The following CSRNP3 variants were observed in gnomAD, a reference collection of about 807,000 sequenced individuals.
CSRNP3 encodes the protein cysteine/serine-rich nuclear protein 3.
CSRNP3 carries 12 observed loss-of-function variants against 48.0 expected under a neutral mutation model. That is an observed-to-expected ratio of 0.25 (90% CI 0.16 to 0.41). The LOEUF (loss-of-function observed/expected upper bound fraction) is 0.41. CSRNP3 is among the 10% of genes least tolerant of loss of function. The pLI is 1.00. For missense variants in CSRNP3, 580 were observed against 724.4 expected (o/e 0.80, Z 2.29); for synonymous variants, 263 against 269.7 (o/e 0.98, Z 0.24).
chr2:165,635,399 G>A (rs966640142), intron 4 of CSRNP3, among the ~76,000 whole-genome samples: 2 of 151,972 alleles, frequency 1.3e-5, no homozygotes, highest in Non-Finnish European at 2.9e-5. Context: ...GAGCTTTAAA[G>A]GAAAACTTTA....
At chr2:165,561,216 C>T (rs1449769452) in intron 3 of CSRNP3, among the ~76,000 whole-genome samples, 4 of 152,072 alleles carry the variant, frequency 2.6e-5, no homozygotes, top group Non-Finnish European at 5.9e-5. Context: ...ATCTTTATGC[C>T]TTACATTTGC....
rs1346983057 is a variant in CSRNP3 at position 165,685,648 on chromosome 2, A to G, written c.*5895A>G. The G allele has an allele frequency of 2.0e-5, 3 of 152,144 alleles. No homozygotes were observed. Among genetic ancestry groups the G allele is most frequent in the Admixed American group, 2.0e-4 (3 of 15,242 alleles). 9.4% of individuals were successfully genotyped at this position (152,144 alleles called of 1,614,324 possible). A position where few individuals can be genotyped will look rare whatever the true frequency, so the allele number is the denominator to read the frequency against. ...GTCACGTTGGTGACTACTTTCTTTTACTTGTGATAAATATATCACTATACA... is the reference window on the plus strand; with the variant it reads ...GTCACGTTGGTGACTACTTTCTTTTGCTTGTGATAAATATATCACTATACA... On this transcript the variant is annotated 3_prime_UTR_variant, in exon 7 of 7. Coordinates refer to ENST00000651982, the MANE Select transcript of CSRNP3 (RefSeq NM_001172173.2).
At chr2:165,642,562 C>CTT (rs36072196) in intron 4 of CSRNP3, among the ~76,000 whole-genome samples, 34 of 135,266 alleles carry the variant, frequency 2.5e-4, no homozygotes, top group East Asian at 1.7e-3. Context: ...TATGCATATT[C>CTT]TTTTTTTTTT....
chr2:165,594,954 A>C (rs1685785107), intron 3 of CSRNP3, 89 bp from the exon 4 acceptor site: 1 of 1,162,884 alleles, frequency 8.6e-7, no homozygotes, highest in Non-Finnish European at 1.2e-6. Context: ...TCATGTATAA[A>C]AAGCCACATA....
intron 5 of CSRNP3, among the ~76,000 whole-genome samples, chr2:165,669,554 C>G (rs1687294253): frequency 6.6e-6 from 1 of 152,150 alleles, no homozygotes; most frequent in African/African-American, 2.4e-5. Flanking sequence ...CTGATTCTGA[C>G]AGTAATGTGT....
At chr2:165,663,755 A>T (rs1419201178) in intron 5 of CSRNP3, among the ~76,000 whole-genome samples, 5 of 152,170 alleles carry the variant, frequency 3.3e-5, no homozygotes, top group African/African-American at 4.8e-5. Flanking sequence ...ACTAAAGTGG[A>T]TTGTGTACTT....
rs749133197 is a variant in CSRNP3, at chr2:165,684,510, G to A, written c.*4757G>A. 6 of 152,036 alleles carry A rather than the reference G, an allele frequency of 3.9e-5. No homozygotes were observed. Among genetic ancestry groups the A allele is most frequent in the Admixed American group, 2.0e-4 (3 of 15,244 alleles). 9.4% of individuals were successfully genotyped at this position (152,036 alleles called of 1,614,324 possible). ...AAGACTTGTCTGTAATTTTAAATTA[G>A]AACTGTTGGTTGTATTCTTACCACA... is the stretch of plus-strand genomic sequence containing the variant. On this transcript the variant is annotated 3_prime_UTR_variant, in exon 7 of 7. Coordinates refer to ENST00000651982, the MANE Select transcript of CSRNP3 (RefSeq NM_001172173.2).
intron 3 of CSRNP3, among the ~76,000 whole-genome samples, chr2:165,587,741 T>G (rs1027197792): frequency 1.2e-4 from 18 of 152,180 alleles, no homozygotes; most frequent in Admixed American, 7.9e-4. Context: ...TAGTCTAGAG[T>G]TGGCTTTTGT....
intron 5 of CSRNP3, among the ~76,000 whole-genome samples, chr2:165,658,968 G>A (rs1687054049): frequency 2.0e-5 from 3 of 152,194 alleles, no homozygotes; most frequent in Non-Finnish European, 4.4e-5. Flanking sequence ...ACAATGGCTT[G>A]TGTGGCTGGA....
chr2:165,688,710 T>C lies in CSRNP3; in HGVS notation c.*8957T>C, dbSNP rs1179978127. ...CTTGGGTGTTATCCTTCAGTCTGTG[T>C]TGAACCATTCAGATATTGGGAATGG... On this transcript the variant is annotated 3_prime_UTR_variant, in exon 7 of 7. Coordinates refer to ENST00000651982, the MANE Select transcript of CSRNP3 (RefSeq NM_001172173.2). 1.3e-5 allele frequency: 2 copies of C among 152,106 alleles called. No homozygotes were observed. The highest frequency in any genetic ancestry group is 4.8e-5 in the African/African-American group (2 of 41,440). 9.4% of individuals were successfully genotyped at this position (152,106 alleles called of 1,614,324 possible).
At chr2:165,624,947 G>A (rs1686404894) in intron 4 of CSRNP3, among the ~76,000 whole-genome samples, 1 of 152,214 alleles carries the variant, frequency 6.6e-6, no homozygotes, top group Non-Finnish European at 1.5e-5. Context: ...GCCAGGATTG[G>A]AGTCCCAGTC....
At chr2:165,664,901 T>C (rs1175349942) in intron 5 of CSRNP3, among the ~76,000 whole-genome samples, 1 of 152,152 alleles carries the variant, frequency 6.6e-6, no homozygotes, top group Non-Finnish European at 1.5e-5. Context: ...AAAACTCAGA[T>C]CTTTTAAGCC....
chr2:165,590,551 A>T (rs1404845200), intron 3 of CSRNP3, among the ~76,000 whole-genome samples: 1 of 152,174 alleles, frequency 6.6e-6, no homozygotes, highest in Non-Finnish European at 1.5e-5. Flanking sequence ...CCCAAATCTC[A>T]TCTTGAGTTG....
At chr2:165,554,580 G>T (rs2105262641) in intron 3 of CSRNP3, among the ~76,000 whole-genome samples, 1 of 152,278 alleles carries the variant, frequency 6.6e-6, no homozygotes, top group Middle Eastern at 3.4e-3. Flanking sequence ...ACTCAAGACT[G>T]TGTCCTCTCT....
In CSRNP3 at chr2:165,681,379, G is replaced by C. The variant is rs535817971; in HGVS notation, c.*1626G>C. ...TATGTCTTTTAGACTTGGGTGTTTAGAATTATGGATATAAATATATTGTAG... is the reference window on the plus strand; with the variant it reads ...TATGTCTTTTAGACTTGGGTGTTTACAATTATGGATATAAATATATTGTAG... On this transcript the variant is annotated 3_prime_UTR_variant, in exon 7 of 7. Transcript: ENST00000651982. 6.6e-6 allele frequency: 1 copy of C among 151,772 alleles called. No homozygotes were observed. The highest frequency in any genetic ancestry group is 1.9e-4 in the East Asian group (1 of 5,164). 9.4% of individuals were successfully genotyped at this position (151,772 alleles called of 1,614,324 possible).
intron 4 of CSRNP3, among the ~76,000 whole-genome samples, chr2:165,595,757 G>A (rs1685799536): frequency 6.6e-6 from 1 of 151,942 alleles, no homozygotes; most frequent in Non-Finnish European, 1.5e-5. Context: ...AGTATTTAAA[G>A]CCCAACAAGA....
chr2:165,511,316 G>A (rs999804397), intron 2 of CSRNP3, among the ~76,000 whole-genome samples: 4 of 152,056 alleles, frequency 2.6e-5, no homozygotes, highest in Non-Finnish European at 5.9e-5. Context: ...AGTGAGATGG[G>A]GAGCTGATGA....
intron 4 of CSRNP3, among the ~76,000 whole-genome samples, chr2:165,603,244 CCTT>C (rs970222231): frequency 2.0e-5 from 3 of 152,200 alleles, no homozygotes; most frequent in African/African-American, 7.2e-5. Context: ...CAATGGTTTT[CCTT>C]CTTCTTTCCA....
In CSRNP3 at chr2:165,483,108, A is replaced by G. The variant is rs541444005; in HGVS notation, c.-282-11651A>G. On this transcript the variant is annotated intron_variant, in intron 1 of 6. Coordinates refer to ENST00000651982, the MANE Select transcript of CSRNP3 (RefSeq NM_001172173.2). ...TAATGTATATATAAAAATATATAATACAGTTGTGGAGGTTTGCTATTCAGT... is the reference window on the plus strand; with the variant it reads ...TAATGTATATATAAAAATATATAATGCAGTTGTGGAGGTTTGCTATTCAGT... Among the ~76,000 whole-genome samples the G allele has an allele frequency of 5.3e-5, 8 of 151,186 alleles. No individual in the cohort carries two copies. In the South Asian group the frequency reaches 1.7e-3, roughly 31 times the overall value.
Sources: allele counts gnomAD v4.1 joint callset (sites outside exome capture counted in the v4.1 genomes callset), GRCh38; gene constraint gnomAD v4.1.1; transcripts MANE v1.5; gene names NCBI Gene and HGNC (gene_info 2026-07-23, HGNC 2026-07-21).